Variants in JPH2 observed in about 807,000 individuals in gnomAD.
JPH2 encodes junctophilin-2.
Under a neutral mutation model 55.9 loss-of-function variants are expected in JPH2, and 38 were observed. The observed-to-expected ratio is 0.68, with a 90% CI of 0.52 to 0.89. JPH2 has a LOEUF of 0.89. JPH2 is among the 40% of genes least tolerant of loss of function. The pLI, the probability that JPH2 is intolerant of heterozygous loss-of-function variation, is 0.00. For synonymous variants in JPH2, 480 were observed against 472.4 expected (o/e 1.02, Z -0.21); for missense variants, 964 against 1,037.6 (o/e 0.93, Z 0.97).
intron 3 of JPH2, 37 bp downstream of exon 3, chr20:44,118,468 A>G: frequency 6.7e-7 from 1 of 1,498,782 alleles, no homozygotes; most frequent in South Asian, 1.1e-5. Context: ...CCCTAGGGAT[A>G]GCCCTACCCT....
chr20:44,109,614 T>G lies in JPH2; in HGVS notation c.*3904A>C, dbSNP rs2072128095. On this transcript the variant is annotated 3_prime_UTR_variant, in exon 6 of 6. Transcript: ENST00000372980. Reference sequence around the variant, plus strand: ...TGGGAACTGGCCTCCATAGGCATAGTCAGAGTTTTGCACAAAACAAGAACC... The same window carrying G: ...TGGGAACTGGCCTCCATAGGCATAGGCAGAGTTTTGCACAAAACAAGAACC... Among the ~76,000 whole-genome samples the G allele has an allele frequency of 6.6e-6, 1 of 152,222 alleles. No individual in the cohort carries two copies. Among genetic ancestry groups the G allele is most frequent in the African/African-American group, 2.4e-5 (1 of 41,446 alleles).
At position 44,160,192 on chromosome 20, in the gene JPH2, C is replaced by A; in HGVS notation, c.595G>T (p.Gly199Cys). 1 of 1,400,514 alleles carries A rather than the reference C, an allele frequency of 7.1e-7. No individual in the cohort carries two copies. Among genetic ancestry groups the A allele is most frequent in the Non-Finnish European group, 9.2e-7 (1 of 1,086,930 alleles). 86.8% of individuals were successfully genotyped at this position (1,400,514 alleles called of 1,614,324 possible). Residue 199 changes from glycine to cysteine, a missense_variant, in exon 2 of 6, where the codon GGC becomes TGC. By Grantham distance (159) the Gly-to-Cys change is radical. Transcript: ENST00000372980. The surrounding 1 kb of genome is among the most constrained non-coding windows in gnomAD (Gnocchi z 4.9). ...TTGGCCAGGAGGCTGAGCGCGAAGCCGCCACGCGGGATGGCGGGCGAGGGC... is the reference window on the plus strand; with the variant it reads ...TTGGCCAGGAGGCTGAGCGCGAAGCAGCCACGCGGGATGGCGGGCGAGGGC... Reference protein sequence around the residue: ...ALPSPAIPRGGFALSLLANAE... With the variant: ...ALPSPAIPRGCFALSLLANAE...
intron 2 of JPH2, among the ~76,000 whole-genome samples, chr20:44,135,548 C>T (rs1247994311): frequency 2.6e-5 from 4 of 152,204 alleles, no homozygotes; most frequent in Admixed American, 1.3e-4. Flanking sequence ...TCCTGCATTT[C>T]GCTTCCAAGG....
Position 44,116,178 on chromosome 20 carries a change from G to T in JPH2, c.1497C>A (p.Pro499=), listed in dbSNP as rs1441785257. 5.7e-6 allele frequency: 8 copies of T among 1,391,716 alleles called. No individual in the cohort carries two copies. Among genetic ancestry groups the T allele is most frequent in the Non-Finnish European group, 7.4e-6 (8 of 1,084,532 alleles). 86.2% of individuals were successfully genotyped at this position (1,391,716 alleles called of 1,614,324 possible). The stretch of plus-strand genomic sequence containing the variant: ...TCAGCAGGCCGTCCTTGGACACCCC[G>T]GGCCTGGGCCGCTTGGGCTGCGGGG... ...GTPPQPKRPR[P]GVSKDGLLSP... is the part of the protein sequence containing the mutation. Residue 499 remains proline (P), a synonymous_variant, in exon 4 of 6, where the codon CCC becomes CCA. Transcript: ENST00000372980.
intron 1 of JPH2, among the ~76,000 whole-genome samples, chr20:44,161,380 G>A (rs1451632647): frequency 6.6e-6 from 1 of 152,108 alleles, no homozygotes; most frequent in Non-Finnish European, 1.5e-5. Context: ...CTGGGATTAA[G>A]ATGCCTTATG....
At chr20:44,169,746 C>G (rs1426786493) in intron 1 of JPH2, among the ~76,000 whole-genome samples, 1 of 152,052 alleles carries the variant, frequency 6.6e-6, no homozygotes, top group African/African-American at 2.4e-5. Context: ...AAACTTAATC[C>G]CCAATGTGGC....
intron 3 of JPH2, among the ~76,000 whole-genome samples, chr20:44,117,528 C>T (rs2072202300): frequency 6.6e-6 from 1 of 152,264 alleles, no homozygotes; most frequent in Non-Finnish European, 1.5e-5. Context: ...CAGCAGCTCT[C>T]AAAGTGTGGT....
chr20:44,173,530 C>A (rs955477784), intron 1 of JPH2, among the ~76,000 whole-genome samples: 2 of 152,144 alleles, frequency 1.3e-5, no homozygotes, highest in Admixed American at 1.3e-4. Flanking sequence ...AAATAATAAA[C>A]CCCCATCTTC....
At chr20:44,166,439 G>A (rs1476432593) in intron 1 of JPH2, among the ~76,000 whole-genome samples, 1 of 152,116 alleles carries the variant, frequency 6.6e-6, no homozygotes, top group Non-Finnish European at 1.5e-5. Flanking sequence ...CTAATCTCTG[G>A]GTTGGACAAC....
intron 2 of JPH2, among the ~76,000 whole-genome samples, chr20:44,151,657 C>T (rs1325320896): frequency 6.6e-6 from 1 of 152,178 alleles, no homozygotes. Flanking sequence ...ATGGTCCCAC[C>T]ACCCTCTAGT....
chr20:44,177,867 G>A (rs1462082788), intron 1 of JPH2: 16 of 1,609,938 alleles, frequency 9.9e-6, no homozygotes, highest in East Asian at 4.5e-5. Context: ...AAGGAAATAC[G>A]GGAATATATA....
At chr20:44,172,639 C>T (rs527652492) in intron 1 of JPH2, among the ~76,000 whole-genome samples, 8 of 152,134 alleles carry the variant, frequency 5.3e-5, no homozygotes, top group Non-Finnish European at 1.0e-4. Flanking sequence ...ACCACAGGTG[C>T]ATACCATCAT....
In JPH2 at chr20:44,159,815, G is replaced by A. The variant is rs757316297; in HGVS notation, c.972C>T (p.His324=). Residue 324 remains histidine, a synonymous_variant, in exon 2 of 6, where the codon CAC becomes CAT. Coordinates refer to ENST00000372980, the MANE Select transcript of JPH2 (RefSeq NM_020433.5). This position sits in a 1 kb window ranked among gnomAD's most constrained non-coding sequence, Gnocchi z 5.7. ...CGGGCAGCGTGGTGCAGCCATAGCCGTGGCGCAGGTTGTCCAGCCACTCGC... is the reference window on the plus strand; with the variant it reads ...CGGGCAGCGTGGTGCAGCCATAGCCATGGCGCAGGTTGTCCAGCCACTCGC... The part of the protein sequence containing the change: ...YEGEWLDNLR[H]GYGCTTLPDG... The A allele has an allele frequency of 6.2e-7, 1 of 1,613,352 alleles. No individual in the cohort carries two copies. The highest frequency in any genetic ancestry group is 8.5e-7 in the Non-Finnish European group (1 of 1,179,902).
rs74274341 is a variant in JPH2 at position 44,150,247 on chromosome 20, C to A, written c.1169+9371G>T. 5.9e-4 allele frequency among the ~76,000 whole-genome samples: 90 copies of A among 152,240 alleles called. 1 individual carries two copies. In the East Asian group the frequency reaches 0.016, roughly 28 times the overall value. On this transcript the variant is annotated intron_variant, in intron 2 of 5. Transcript: ENST00000372980. ...CTAGACTAAGAGATTTAGGACACAG[C>A]TCCCAACCTGAAAATAAAATTTAAA... is the stretch of plus-strand genomic sequence containing the variant.
rs886038779 is a variant in JPH2, at chr20:44,160,250, A to G, written c.537T>C (p.Ser179=). The G allele has an allele frequency of 4.6e-6, 7 of 1,515,126 alleles. No individual in the cohort carries two copies. The Admixed American group carries it at 1.2e-4, about 26-fold the overall frequency. 93.9% of individuals were successfully genotyped at this position (1,515,126 alleles called of 1,614,324 possible). The change falls in exon 2 of 6, where the codon TCT becomes TCC. Residue 179 remains serine, a synonymous_variant. Transcript: ENST00000372980. The surrounding 1 kb of genome is among the most constrained non-coding windows in gnomAD (Gnocchi z 4.9). ...GGCCGTCGGAGGCCGGCGAGGCGGG[A>G]GAGTCCGGGGCCACCGTGCCGTTGC... is the stretch of plus-strand genomic sequence containing the variant. ...EHSNGTVAPD[S]PASPASDGPA...
chr20:44,133,662 G>C (rs1600840093), intron 2 of JPH2, among the ~76,000 whole-genome samples: 1 of 151,600 alleles, frequency 6.6e-6, no homozygotes, highest in East Asian at 2.0e-4. Flanking sequence ...GATGGCCCTA[G>C]GGGAGATTCA....
In JPH2 at chr20:44,107,926, G is replaced by A. The variant is rs1433540437; in HGVS notation, c.*5592C>T. Among the ~76,000 whole-genome samples the A allele has an allele frequency of 2.0e-5, 3 of 152,212 alleles. No homozygotes were observed. Among genetic ancestry groups the A allele is most frequent in the Non-Finnish European group, 4.4e-5 (3 of 68,040 alleles). ...TTTGTTATTCATGGTGGGCTCCTGGGACCACAACTCACAGCTTATGCTAAC... is the reference window on the plus strand; with the variant it reads ...TTTGTTATTCATGGTGGGCTCCTGGAACCACAACTCACAGCTTATGCTAAC... On this transcript the variant is annotated 3_prime_UTR_variant, in exon 6 of 6. Coordinates refer to ENST00000372980, the MANE Select transcript of JPH2 (RefSeq NM_020433.5).
chr20:44,115,135 T>C lies in JPH2; in HGVS notation c.2011-259A>G, dbSNP rs2072177966. ...AGTCATATAGTGTGTGAATCAGGCC[T>C]GGAACCCAGGCATCCTGCTAATTCC... On this transcript the variant is annotated intron_variant, in intron 4 of 5. Coordinates refer to ENST00000372980, the MANE Select transcript of JPH2 (RefSeq NM_020433.5). Among the ~76,000 whole-genome samples, 3 of 152,164 alleles carry C rather than the reference T, an allele frequency of 2.0e-5. No individual in the cohort carries two copies. In the South Asian group the frequency reaches 6.2e-4, roughly 31 times the overall value.
At chr20:44,129,243 C>T (rs1016461942) in intron 2 of JPH2, among the ~76,000 whole-genome samples, 5 of 152,068 alleles carry the variant, frequency 3.3e-5, no homozygotes, top group Non-Finnish European at 7.4e-5. Flanking sequence ...CCTAGAAGAC[C>T]GGGCAAAGTA....
Sources: allele counts gnomAD v4.1 joint callset (sites outside exome capture counted in the v4.1 genomes callset), GRCh38; gene constraint gnomAD v4.1.1; non-coding constraint Gnocchi (gnomAD v3.1); transcripts MANE v1.5; gene names NCBI Gene and HGNC (gene_info 2026-07-23, HGNC 2026-07-21).